PALM2AKAP2: variants seen among roughly 807,000 people sequenced by gnomAD.
PALM2AKAP2 encodes the protein PALM2 and AKAP2 fusion, also known as PALM2-AKAP2 fusion protein.
Under a neutral mutation model 71.5 loss-of-function variants are expected in PALM2AKAP2, and 37 were observed. That is an observed-to-expected ratio of 0.52 (90% CI 0.40 to 0.68). The LOEUF (loss-of-function observed/expected upper bound fraction) is 0.68, where lower values mean the gene tolerates loss of function less well. PALM2AKAP2 is among the 30% of genes least tolerant of loss of function. PALM2AKAP2 has a pLI of 0.00. For missense variants in PALM2AKAP2, 1,224 were observed against 1,191.8 expected (o/e 1.03, Z -0.40); for synonymous variants, 468 against 478.8 (o/e 0.98, Z 0.29).
chr9:110,137,777 C>G, exon 2 of PALM2AKAP2: 1 of 1,614,152 alleles, frequency 6.2e-7, no homozygotes, highest in Non-Finnish European at 8.5e-7. Context: ...CAATGCCCTC[C>G]AGGAAAATTC....
At chr9:109,971,891 C>T (rs1832076819) in intron 6 of PALM2AKAP2, among the ~76,000 whole-genome samples, 1 of 152,216 alleles carries the variant, frequency 6.6e-6, no homozygotes, top group South Asian at 2.1e-4. Flanking sequence ...CTCCAAGACA[C>T]ACTTCTTTGC....
rs141084639 is a variant in PALM2AKAP2, at chr9:110,018,264, A to G, written c.582+2225A>G. Among the ~76,000 whole-genome samples, 24 of 152,316 alleles carry G rather than the reference A, an allele frequency of 1.6e-4. No individual in the cohort carries two copies. The East Asian group carries it at 4.4e-3, about 28-fold the overall frequency. On this transcript the variant is annotated intron_variant, in intron 7 of 9. Transcript: ENST00000302798. The stretch of plus-strand genomic sequence containing the variant: ...TACCCCAGGAAGATTTTTCATCCAT[A>G]AGAACTGAACTCATTCTGAGGAATA...
At chr9:110,098,718 T>C (rs975069868) in intron 1 of PALM2AKAP2, among the ~76,000 whole-genome samples, 7 of 152,196 alleles carry the variant, frequency 4.6e-5, no homozygotes. Context: ...CTAAAGTCAC[T>C]TTCTGTCCTG....
chr9:109,998,386 T>G (rs1588050860), intron 6 of PALM2AKAP2, among the ~76,000 whole-genome samples: 2 of 152,052 alleles, frequency 1.3e-5, no homozygotes, highest in African/African-American at 4.8e-5. Context: ...GACAGTGGGC[T>G]GATGAAGGTA....
chr9:109,861,290 G>C (rs534036643), intron 1 of PALM2AKAP2, among the ~76,000 whole-genome samples: 3 of 152,340 alleles, frequency 2.0e-5, no homozygotes, highest in African/African-American at 4.8e-5. Context: ...CAGGAGAGAA[G>C]AGGGAGTCTC....
At chr9:109,746,828 T>C (rs1383375528) in intron 1 of PALM2AKAP2, among the ~76,000 whole-genome samples, 2 of 152,154 alleles carry the variant, frequency 1.3e-5, no homozygotes, top group African/African-American at 4.8e-5. Context: ...CACAGCTAGG[T>C]GTGGCTAGAT....
At chr9:109,751,097 A>T (rs1035243907) in intron 1 of PALM2AKAP2, among the ~76,000 whole-genome samples, 1 of 152,074 alleles carries the variant, frequency 6.6e-6, no homozygotes, top group Non-Finnish European at 1.5e-5. Flanking sequence ...AGGCAACCCT[A>T]GATTTTCAGT....
At chr9:109,732,457 C>T (rs977136012) in intron 1 of PALM2AKAP2, among the ~76,000 whole-genome samples, 3 of 152,128 alleles carry the variant, frequency 2.0e-5, no homozygotes, top group Admixed American at 6.5e-5. Flanking sequence ...ATTGCTGTCA[C>T]CTAAGAATGG....
chr9:110,051,486 C>T (rs892873144), intron 1 of PALM2AKAP2, among the ~76,000 whole-genome samples: 7 of 152,148 alleles, frequency 4.6e-5, no homozygotes, highest in East Asian at 1.9e-4. Flanking sequence ...ATAACCATTA[C>T]GGATTTGGTG....
chr9:109,676,228 C>G (rs990545663), intron 1 of PALM2AKAP2, among the ~76,000 whole-genome samples: 1 of 152,108 alleles, frequency 6.6e-6, no homozygotes, highest in Admixed American at 6.6e-5. Context: ...AATTGGGCAG[C>G]TTTATCTCTA....
intron 1 of PALM2AKAP2, among the ~76,000 whole-genome samples, chr9:109,657,452 T>TTGTGTGTG (rs3062680): frequency 0.06 from 8,828 of 147,124 alleles, 292 homozygotes; most frequent in Middle Eastern, 0.14. Flanking sequence ...AATATGGTAT[T>TTGTGTGTG]TGTGTGTGTG....
chr9:109,814,887 G>A lies in PALM2AKAP2; in HGVS notation c.45+34354G>A, dbSNP rs1398992141. On this transcript the variant is annotated intron_variant, in intron 1 of 9. Transcript: ENST00000302798. Reference sequence around the variant, plus strand: ...TGGACTGTCTTGTATGCCATTTTAGGTAGAGTTTGGATTTTATCCTGTGGG... The same window carrying A: ...TGGACTGTCTTGTATGCCATTTTAGATAGAGTTTGGATTTTATCCTGTGGG... Among the ~76,000 whole-genome samples the A allele has an allele frequency of 2.6e-5, 4 of 152,184 alleles. No homozygotes were observed. In the East Asian group the frequency reaches 7.7e-4, roughly 29 times the overall value.
At chr9:110,086,805 G>A (rs1812037860) in intron 1 of PALM2AKAP2, among the ~76,000 whole-genome samples, 1 of 152,050 alleles carries the variant, frequency 6.6e-6, no homozygotes, top group African/African-American at 2.4e-5. Context: ...AATCTCTAGG[G>A]TCATGAAGAT....
intron 1 of PALM2AKAP2, among the ~76,000 whole-genome samples, chr9:109,702,086 AAAC>A (rs1828069573): frequency 6.6e-6 from 1 of 152,184 alleles, no homozygotes; most frequent in South Asian, 2.1e-4. Flanking sequence ...AAAAGTCAGG[AAAC>A]AACAGGTGCT....
intron 1 of PALM2AKAP2, chr9:109,866,913 C>T: frequency 2.5e-6 from 1 of 405,708 alleles, no homozygotes. Flanking sequence ...GAAATGCTAC[C>T]CCAAGGCTAG....
At chr9:110,136,636 C>T (rs1311282425) in exon 2 of PALM2AKAP2, 7 of 1,613,988 alleles carry the variant, frequency 4.3e-6, no homozygotes, top group Non-Finnish European at 5.9e-6. Context: ...GAACAAATGG[C>T]CATTCCCCCA....
At chr9:110,047,524 C>G (rs1347517852), upstream of PALM2AKAP2, among the ~76,000 whole-genome samples, 2 of 152,122 alleles carry the variant, frequency 1.3e-5, no homozygotes, top group East Asian at 3.9e-4. Context: ...AAATTGACTC[C>G]CAGAAGAGCA....
intron 5 of PALM2AKAP2, among the ~76,000 whole-genome samples, chr9:109,931,531 A>C (rs1001638646): frequency 6.6e-6 from 1 of 152,164 alleles, no homozygotes; most frequent in African/African-American, 2.4e-5. Flanking sequence ...CAGAGAATGG[A>C]TCTGTTTTTC....
chr9:109,894,017 G>C (rs376533513), intron 3 of PALM2AKAP2, among the ~76,000 whole-genome samples: 118 of 125,642 alleles, frequency 9.4e-4, no homozygotes, highest in African/African-American at 3.1e-3. Flanking sequence ...CTTTCCAGTT[G>C]CTTATTTAAA....
Sources: gnomAD v4.1 joint callset for allele counts (sites outside exome capture counted in the v4.1 genomes callset) on GRCh38, gnomAD v4.1.1 for gene constraint, MANE v1.5 for transcripts, NCBI Gene and HGNC (gene_info 2026-07-23, HGNC 2026-07-21) for gene names.